PTPN3: variants seen among roughly 807,000 people sequenced by gnomAD.
The protein encoded by PTPN3 is protein tyrosine phosphatase non-receptor type 3, also known as tyrosine-protein phosphatase non-receptor type 3.
A neutral mutation model predicts 132.7 loss-of-function variants in PTPN3; 96 were observed. The ratio of observed to expected loss-of-function variants is 0.72; its 90% confidence interval spans 0.61 to 0.86. The LOEUF is 0.86. Among genes scored for constraint, PTPN3 ranks in the 40% least tolerant of loss-of-function variants. The pLI is 0.00. For synonymous variants in PTPN3, 398 were observed against 429.0 expected, an observed-to-expected ratio of 0.93 and a Z score of 0.89; for missense variants, 1,125 against 1,159.6, an observed-to-expected ratio of 0.97 and a Z score of 0.43.
chr9:109,410,484 T>C, intron 14 of PTPN3, 69 bp from the exon 15 acceptor site: 1 of 1,510,606 alleles, frequency 6.6e-7, no homozygotes, highest in Non-Finnish European at 9.1e-7. Context: ...CACTACTGAC[T>C]GTAGGGGCCT....
the PTPN3 span, among the ~76,000 whole-genome samples, chr9:109,507,703 C>T: frequency 6.6e-6 from 1 of 152,218 alleles, no homozygotes; most frequent in Non-Finnish European, 1.5e-5. Flanking sequence ...TCCTAAGGCA[C>T]ATCGTCTTCA....
In PTPN3 at chr9:109,389,224, G is replaced by C; in HGVS notation, c.2253+9C>G. 1.9e-6 allele frequency: 3 copies of C among 1,613,828 alleles called. No individual in the cohort carries two copies. The highest frequency in any genetic ancestry group is 2.5e-6 in the Non-Finnish European group (3 of 1,179,896). ...TGCACACATCTGAATTAGAAATCAA[G>C]CTACTTACCCGCCCTCGTTCTGTGA... On this transcript the variant is annotated intron_variant, in intron 22 of 25. Coordinates refer to ENST00000374541, the MANE Select transcript of PTPN3 (RefSeq NM_002829.4).
chr9:109,445,801 C>T (rs867616970), intron 6 of PTPN3, among the ~76,000 whole-genome samples: 9 of 152,284 alleles, frequency 5.9e-5, no homozygotes, highest in Middle Eastern at 3.4e-3. Context: ...AATTTTAAAA[C>T]CTGCAATTCC....
chr9:109,445,108 C>A (rs1844760091), intron 7 of PTPN3, 132 bp downstream of exon 7: 1 of 835,044 alleles, frequency 1.2e-6, no homozygotes, highest in Non-Finnish European at 2.0e-6. Flanking sequence ...CATATCTGGA[C>A]AGCCAGAGAT....
chr9:109,396,545 A>G (rs1762288226), intron 19 of PTPN3, among the ~76,000 whole-genome samples: 1 of 152,222 alleles, frequency 6.6e-6, no homozygotes, highest in South Asian at 2.1e-4. Flanking sequence ...GGGATACAAA[A>G]TGACAAAACC....
In PTPN3 at chr9:109,484,982, C is replaced by A. The variant is rs139460781; in HGVS notation, c.-18+13237G>T. ...CAGTGGCTCACACCTGTAATCCCAGCACCTTGGAGGCCAAGGTGGGTGGAT... is the reference window on the plus strand; with the variant it reads ...CAGTGGCTCACACCTGTAATCCCAGAACCTTGGAGGCCAAGGTGGGTGGAT... On this transcript the variant is annotated intron_variant, in intron 1 of 25. Transcript: ENST00000374541. 4.2e-3 allele frequency among the ~76,000 whole-genome samples: 643 copies of A among 152,290 alleles called. 4 individuals carry two copies. The highest frequency in any genetic ancestry group is 0.02 in the Middle Eastern group (6 of 294).
At chr9:109,489,094 C>T (rs985862993) in intron 1 of PTPN3, among the ~76,000 whole-genome samples, 1 of 152,218 alleles carries the variant, frequency 6.6e-6, no homozygotes, top group South Asian at 2.1e-4. Flanking sequence ...TGCTTACACA[C>T]CCTGGCTCTT....
At chr9:109,471,246 A>G (rs1426933722) in intron 1 of PTPN3, among the ~76,000 whole-genome samples, 2 of 152,096 alleles carry the variant, frequency 1.3e-5, no homozygotes, top group Admixed American at 6.6e-5. Context: ...TAGTAGAGAC[A>G]GTGTTTCACC....
chr9:109,430,228 C>G (rs559478935), intron 10 of PTPN3, among the ~76,000 whole-genome samples: 2 of 152,268 alleles, frequency 1.3e-5, no homozygotes, highest in East Asian at 3.9e-4. Flanking sequence ...TGCAAAAATT[C>G]CTGTTCTGCA....
chr9:109,438,026 G>T, intron 8 of PTPN3, 88 bp downstream of exon 8: 3 of 1,409,410 alleles, frequency 2.1e-6, no homozygotes, highest in Non-Finnish European at 1.9e-6. Context: ...ATGCACAAAA[G>T]AAAGAGGCTG....
Position 109,406,618 on chromosome 9 carries a change from C to G in PTPN3, c.1636G>C (p.Ala546Pro). The change falls in exon 18 of 26, where the codon GCG becomes CCG. Residue 546 changes from alanine to proline, a missense_variant and splice_region_variant. Physicochemically the swap from Ala to Pro is conservative, Grantham distance 27. Transcript: ENST00000374541. ...TTCAGCTTAGGAATGCAGGTGTCCGCCTGGGTGGTGGGGAAAAGCGAGTTT... is the reference window on the plus strand; with the variant it reads ...TTCAGCTTAGGAATGCAGGTGTCCGGCTGGGTGGTGGGGAAAAGCGAGTTT... ...VVSRINPESP[A>P]DTCIPKLNEG... The G allele has an allele frequency of 6.2e-7, 1 of 1,613,970 alleles. No individual in the cohort carries two copies. The highest frequency in any genetic ancestry group is 8.5e-7 in the Non-Finnish European group (1 of 1,179,866).
intron 19 of PTPN3, among the ~76,000 whole-genome samples, chr9:109,399,375 T>C (rs1039070402): frequency 3.3e-5 from 5 of 152,206 alleles, no homozygotes; most frequent in African/African-American, 1.2e-4. Flanking sequence ...TGACTAGTTG[T>C]GTGCCACTGG....
intron 19 of PTPN3, among the ~76,000 whole-genome samples, chr9:109,401,237 C>T (rs1055981711): frequency 3.2e-4 from 49 of 152,320 alleles, no homozygotes; most frequent in African/African-American, 1.1e-3. Context: ...CTCGGATGCA[C>T]AGCAGTGGTT....
intron 1 of PTPN3, among the ~76,000 whole-genome samples, chr9:109,492,484 T>A (rs1279306273): frequency 6.6e-6 from 1 of 152,210 alleles, no homozygotes; most frequent in Non-Finnish European, 1.5e-5. Context: ...AGCACTTGTC[T>A]GGAGGGTCAG....
At chr9:109,433,916 T>TA (rs1170933792) in intron 9 of PTPN3, among the ~76,000 whole-genome samples, 7,413 of 97,942 alleles carry the variant, frequency 0.076, 724 homozygotes, top group Middle Eastern at 0.11. Context: ...AGACTCTGTT[T>TA]AAAAAAAAAA....
chr9:109,431,619 G>A (rs1299793351), intron 10 of PTPN3, among the ~76,000 whole-genome samples: 1 of 152,246 alleles, frequency 6.6e-6, no homozygotes, highest in African/African-American at 2.4e-5. Context: ...ACTGATTTCA[G>A]TGTCAAATTG....
intron 12 of PTPN3, among the ~76,000 whole-genome samples, chr9:109,426,418 C>G (rs769719075): frequency 6.6e-6 from 1 of 152,016 alleles, no homozygotes; most frequent in Admixed American, 6.6e-5. Context: ...TTGTAAGAGT[C>G]AAATATAATT....
intron 21 of PTPN3, among the ~76,000 whole-genome samples, chr9:109,390,606 T>C (rs560065270): frequency 6.6e-6 from 1 of 152,026 alleles, no homozygotes; most frequent in African/African-American, 2.4e-5. Context: ...ATAATAATAA[T>C]AAAATAAAAT....
chr9:109,388,031 G>A (rs1025799127), intron 22 of PTPN3, among the ~76,000 whole-genome samples: 5 of 152,332 alleles, frequency 3.3e-5, no homozygotes, highest in Admixed American at 3.3e-4. Flanking sequence ...AGCACAGCGA[G>A]GCTGGGGAGC....
Sources: gnomAD v4.1 joint callset for allele counts (sites outside exome capture counted in the v4.1 genomes callset) on GRCh38, gnomAD v4.1.1 for gene constraint, MANE v1.5 for transcripts, NCBI Gene and HGNC (gene_info 2026-07-23, HGNC 2026-07-21) for gene names.